The following PDE3B variants were observed in gnomAD, a reference collection of about 807,000 sequenced individuals.
PDE3B encodes the protein phosphodiesterase 3B, also known as cGMP-inhibited 3',5'-cyclic phosphodiesterase 3B.
In PDE3B, 66 loss-of-function variants were observed where a neutral mutation model predicts 116.8. The observed-to-expected ratio is 0.56, with a 90% CI of 0.46 to 0.69. The LOEUF (loss-of-function observed/expected upper bound fraction) is 0.69, where lower values mean the gene tolerates loss of function less well. Among genes scored for constraint, PDE3B ranks in the 30% least tolerant of loss-of-function variants. The pLI is 0.00. For synonymous variants in PDE3B, 595 were observed against 533.6 expected (o/e 1.12, Z -1.59); for missense variants, 1,384 against 1,368.1 (o/e 1.01, Z -0.18).
At chr11:14,647,303 A>T (rs1590027151) in intron 1 of PDE3B, among the ~76,000 whole-genome samples, 1 of 152,040 alleles carries the variant, frequency 6.6e-6, no homozygotes, top group Admixed American at 6.5e-5. Flanking sequence ...TAGACAGAGG[A>T]TTGAGGAGTC....
intron 1 of PDE3B, among the ~76,000 whole-genome samples, chr11:14,704,536 A>T (rs1045029892): frequency 6.6e-6 from 1 of 151,768 alleles, no homozygotes; most frequent in Admixed American, 6.6e-5. Context: ...CCTGATTTTG[A>T]GATTTACTTA....
chr11:14,673,710 T>C (rs562441264), intron 1 of PDE3B: 46 of 754,438 alleles, frequency 6.1e-5, no homozygotes, highest in South Asian at 6.1e-4. Flanking sequence ...AGCAAGGCTC[T>C]TCTCATCCAG....
intron 1 of PDE3B, among the ~76,000 whole-genome samples, chr11:14,735,450 A>G (rs1293594198): frequency 6.6e-6 from 1 of 152,204 alleles, no homozygotes; most frequent in Non-Finnish European, 1.5e-5. Flanking sequence ...TATATCCTAT[A>G]TAGAGAGAAT....
chr11:14,660,971 TACC>T (rs1490056024), intron 1 of PDE3B, among the ~76,000 whole-genome samples: 2 of 152,120 alleles, frequency 1.3e-5, no homozygotes, highest in Non-Finnish European at 2.9e-5. Flanking sequence ...CACAATGAGA[TACC>T]ATCTCACACC....
intron 1 of PDE3B, 78 bp from the exon 2 acceptor site, chr11:14,771,859 T>C (rs1857651511): frequency 5.4e-6 from 3 of 559,272 alleles, no homozygotes; most frequent in Admixed American, 3.2e-5. Context: ...TAATTATAAT[T>C]GAAAATGCTG....
chr11:14,806,626 G>T (rs914606103), intron 5 of PDE3B, among the ~76,000 whole-genome samples: 6 of 151,574 alleles, frequency 4.0e-5, no homozygotes, highest in African/African-American at 1.5e-4. Context: ...TTGGGAGGCC[G>T]AGGCGGGCGG....
intron 1 of PDE3B, among the ~76,000 whole-genome samples, chr11:14,679,814 A>G (rs1207819083): frequency 1.3e-5 from 2 of 151,966 alleles, no homozygotes; most frequent in African/African-American, 4.8e-5. Flanking sequence ...CCTAGCCTCC[A>G]GTTCCTATCA....
At chr11:14,826,569 A>G (rs1859693250) in intron 7 of PDE3B, among the ~76,000 whole-genome samples, 1 of 152,172 alleles carries the variant, frequency 6.6e-6, no homozygotes, top group South Asian at 2.1e-4. Context: ...TGAACCAGGA[A>G]GACATGGATT....
chr11:14,845,569 G>T (rs1425701667), intron 12 of PDE3B, among the ~76,000 whole-genome samples: 2 of 152,070 alleles, frequency 1.3e-5, no homozygotes, highest in Non-Finnish European at 2.9e-5. Flanking sequence ...CAAACCAAAG[G>T]CAAAGAAGTT....
chr11:14,680,968 TG>T (rs1854687237), intron 1 of PDE3B, among the ~76,000 whole-genome samples: 2 of 152,210 alleles, frequency 1.3e-5, no homozygotes, highest in South Asian at 4.1e-4. Flanking sequence ...CTTATGATGA[TG>T]GGGTTATGTA....
chr11:14,759,932 A>T (rs536512005), intron 1 of PDE3B, among the ~76,000 whole-genome samples: 129 of 152,270 alleles, frequency 8.5e-4, no homozygotes, highest in Admixed American at 1.6e-3. Context: ...ATGCATTGCT[A>T]TTGTTTATCA....
chr11:14,669,884 TAAG>T (rs773247044), intron 1 of PDE3B, among the ~76,000 whole-genome samples: 22 of 152,276 alleles, frequency 1.4e-4, no homozygotes, highest in Non-Finnish European at 2.4e-4. Context: ...AGTGTGTGCT[TAAG>T]AAGAATAGGC....
intron 1 of PDE3B, among the ~76,000 whole-genome samples, chr11:14,653,600 C>G (rs992797197): frequency 5.3e-5 from 8 of 151,274 alleles, no homozygotes; most frequent in Admixed American, 5.3e-4. Context: ...AAAAACCACA[C>G]CCACCAAAGC....
chr11:14,776,141 A>C (rs1857777927), intron 2 of PDE3B: 1 of 152,266 alleles, frequency 6.6e-6, no homozygotes, highest in Non-Finnish European at 1.5e-5. Context: ...CCCCACTCTC[A>C]ACCTAGCAAC....
intron 1 of PDE3B, among the ~76,000 whole-genome samples, chr11:14,658,435 C>T (rs1314960838): frequency 6.6e-6 from 1 of 152,110 alleles, no homozygotes; most frequent in Non-Finnish European, 1.5e-5. Context: ...CGGCTCACTG[C>T]AACCTCCGTC....
intron 1 of PDE3B, among the ~76,000 whole-genome samples, chr11:14,721,926 TA>T (rs1200588371): frequency 0.064 from 7,466 of 116,298 alleles, 452 homozygotes; most frequent in African/African-American, 0.17. Flanking sequence ...AAAGTATAAT[TA>T]AAAAAAAAAA....
At chr11:14,754,186 C>T (rs906347539) in intron 1 of PDE3B, among the ~76,000 whole-genome samples, 1 of 151,870 alleles carries the variant, frequency 6.6e-6, no homozygotes, top group African/African-American at 2.4e-5. Flanking sequence ...TTGTTCTTTT[C>T]TGAGTTACAT....
At chr11:14,891,851 A>G in the PDE3B span, 16 of 1,413,386 alleles carry the variant, frequency 1.1e-5, no homozygotes, top group Middle Eastern at 7.8e-4. Context: ...GTGTCCCTCA[A>G]AGGGCAGCCG....
chr11:14,891,756 C>T, the PDE3B span: 6 of 1,373,736 alleles, frequency 4.4e-6, no homozygotes, highest in East Asian at 2.9e-5. Flanking sequence ...AGCCTCGGCC[C>T]GGAGTGGGTC....
Sources: gnomAD v4.1 joint callset for allele counts (sites outside exome capture counted in the v4.1 genomes callset) on GRCh38, gnomAD v4.1.1 for gene constraint, MANE v1.5 for transcripts, NCBI Gene and HGNC (gene_info 2026-07-23, HGNC 2026-07-21) for gene names.